The following LDLRAD3 variants were observed in gnomAD, a reference collection of about 807,000 sequenced individuals.
LDLRAD3 encodes low-density lipoprotein receptor class A domain-containing protein 3.
Under a neutral mutation model 29.4 loss-of-function variants are expected in LDLRAD3, and 20 were observed. The observed-to-expected ratio is 0.68, with a 90% CI of 0.48 to 0.99. LDLRAD3 has a LOEUF of 0.99. LDLRAD3 is among the 50% of genes least tolerant of loss of function. The pLI is 0.00. For synonymous variants in LDLRAD3, 157 were observed against 192.7 expected (o/e 0.81, Z 1.53); for missense variants, 420 against 454.3 (o/e 0.92, Z 0.69).
At chr11:36,068,677 T>G (rs577467766) in intron 2 of LDLRAD3, among the ~76,000 whole-genome samples, 4 of 152,110 alleles carry the variant, frequency 2.6e-5, no homozygotes, top group Non-Finnish European at 5.9e-5. Context: ...CCACCACACC[T>G]GGCTAATTTT....
intron 1 of LDLRAD3, among the ~76,000 whole-genome samples, chr11:36,014,465 G>A (rs1337246914): frequency 3.3e-5 from 5 of 152,238 alleles, no homozygotes; most frequent in Admixed American, 2.6e-4. Flanking sequence ...TATGGGATGT[G>A]CATGGTACCT....
At chr11:36,069,192 T>C (rs945641915) in intron 2 of LDLRAD3, among the ~76,000 whole-genome samples, 6 of 151,954 alleles carry the variant, frequency 3.9e-5, no homozygotes, top group South Asian at 4.2e-4. Context: ...ATTCCAGGAG[T>C]GAGTTTGCTT....
rs1854241635 is a variant in LDLRAD3, at chr11:36,149,313, T to G, written c.454+50852T>G. On this transcript the variant is annotated intron_variant, in intron 4 of 5. Transcript: ENST00000315571. The stretch of plus-strand genomic sequence containing the variant: ...AAAATGAAATCTGTCAGATAAAATC[T>G]ACAAAAGAATAGCGGTTGGAGAGTT... Among the ~76,000 whole-genome samples the G allele has an allele frequency of 2.6e-5, 4 of 152,164 alleles. No homozygotes were observed. The South Asian group carries it at 8.3e-4, about 32-fold the overall frequency.
intron 2 of LDLRAD3, among the ~76,000 whole-genome samples, chr11:36,055,333 T>C (rs1465873303): frequency 5.3e-5 from 8 of 151,882 alleles, no homozygotes; most frequent in Admixed American, 3.3e-4. Flanking sequence ...TATGAACTCT[T>C]GGAGAGTGTT....
At chr11:36,162,322 A>C (rs536090827) in intron 4 of LDLRAD3, among the ~76,000 whole-genome samples, 1 of 152,328 alleles carries the variant, frequency 6.6e-6, no homozygotes, top group South Asian at 2.1e-4. Flanking sequence ...TCATCAAGGG[A>C]GAAATGACAG....
chr11:36,050,999 C>G (rs1276830190), intron 2 of LDLRAD3, among the ~76,000 whole-genome samples: 1 of 152,088 alleles, frequency 6.6e-6, no homozygotes, highest in South Asian at 2.1e-4. Flanking sequence ...AATGAGGGCT[C>G]CACCCTCATG....
intron 2 of LDLRAD3, among the ~76,000 whole-genome samples, chr11:36,067,883 T>A (rs1254234930): frequency 6.6e-6 from 1 of 152,174 alleles, no homozygotes; most frequent in Non-Finnish European, 1.5e-5. Context: ...TTGCTCAGGC[T>A]GGTCTTGAAC....
chr11:35,955,015 C>T (rs1249976930), intron 1 of LDLRAD3, among the ~76,000 whole-genome samples: 2 of 152,170 alleles, frequency 1.3e-5, no homozygotes, highest in Non-Finnish European at 2.9e-5. Flanking sequence ...GAGGCCGAGG[C>T]GGGCAGATAA....
chr11:36,186,448 G>T (rs752359320), intron 4 of LDLRAD3, among the ~76,000 whole-genome samples: 5 of 152,162 alleles, frequency 3.3e-5, no homozygotes, highest in Non-Finnish European at 7.4e-5. Flanking sequence ...ATTGACAATG[G>T]TAGCTGGCTT....
chr11:36,002,234 C>T (rs1243561033), intron 1 of LDLRAD3, among the ~76,000 whole-genome samples: 1 of 152,194 alleles, frequency 6.6e-6, no homozygotes, highest in Non-Finnish European at 1.5e-5. Context: ...GTAGCTATTA[C>T]TAGCATACAC....
At chr11:36,025,357 T>C (rs1411834252) in intron 1 of LDLRAD3, among the ~76,000 whole-genome samples, 1 of 151,984 alleles carries the variant, frequency 6.6e-6, no homozygotes, top group Non-Finnish European at 1.5e-5. Context: ...CCAGTTCCAC[T>C]GAATTCTAAT....
At chr11:36,214,161 G>A (rs1343091241) in intron 4 of LDLRAD3, among the ~76,000 whole-genome samples, 2 of 152,192 alleles carry the variant, frequency 1.3e-5, no homozygotes, top group Admixed American at 1.3e-4. Flanking sequence ...AGGCGTGGCT[G>A]GCTAGAGAAG....
rs906473524 is a variant in LDLRAD3, at chr11:36,041,581, T to C, written c.193+5332T>C. ...CCGTTAGTCCTGGGAGTCTCTGAAA[T>C]GTTTTCCTTGAAGAGACTGTCCTTT... is the stretch of plus-strand genomic sequence containing the variant. On this transcript the variant is annotated intron_variant, in intron 2 of 5. Transcript: ENST00000315571. Among the ~76,000 whole-genome samples the C allele has an allele frequency of 2.6e-5, 4 of 152,314 alleles. No homozygotes were observed. In the East Asian group the frequency reaches 7.7e-4, roughly 29 times the overall value.
intron 4 of LDLRAD3, among the ~76,000 whole-genome samples, chr11:36,158,165 C>T (rs1419006678): frequency 6.6e-6 from 1 of 152,102 alleles, no homozygotes; most frequent in Non-Finnish European, 1.5e-5. Flanking sequence ...AAAAAACATT[C>T]CAGTGGGATA....
intron 4 of LDLRAD3, among the ~76,000 whole-genome samples, chr11:36,204,409 C>T (rs940459572): frequency 6.6e-6 from 1 of 152,110 alleles, no homozygotes; most frequent in Admixed American, 6.5e-5. Flanking sequence ...TCCTTCTTCT[C>T]CTCCCATGTC....
rs377498962 is a variant in LDLRAD3 at position 36,016,958 on chromosome 11, A to G, written c.47-19145A>G. On this transcript the variant is annotated intron_variant, in intron 1 of 5. Transcript: ENST00000315571. ...TGTGGAAAGACATAATTAAAAGATA[A>G]AAATATAAACTTTACTCCTCAACAT... Among the ~76,000 whole-genome samples the G allele has an allele frequency of 1.4e-4, 21 of 152,324 alleles. No homozygotes were observed. In the South Asian group the frequency reaches 4.4e-3, roughly 32 times the overall value.
intron 3 of LDLRAD3, among the ~76,000 whole-genome samples, chr11:36,089,410 A>G (rs1270048580): frequency 6.7e-6 from 1 of 149,678 alleles, no homozygotes; most frequent in Non-Finnish European, 1.5e-5. Context: ...TAACTATTAT[A>G]TGAATGTGTA....
chr11:36,008,342 A>G (rs913199575), intron 1 of LDLRAD3, among the ~76,000 whole-genome samples: 1 of 152,186 alleles, frequency 6.6e-6, no homozygotes, highest in African/African-American at 2.4e-5. Context: ...TTGTACCTCA[A>G]GGAAAGCCTC....
chr11:36,113,766 C>G lies in LDLRAD3; in HGVS notation c.454+15305C>G, dbSNP rs556026990. 1.8e-4 allele frequency among the ~76,000 whole-genome samples: 28 copies of G among 151,860 alleles called. No homozygotes were observed. The South Asian group carries it at 5.6e-3, about 31-fold the overall frequency. ...TCAGCCCATTGCAACCCCTGCCTCCCAGGTTCATGCGATTCTCCTGCCTCA... is the reference window on the plus strand; with the variant it reads ...TCAGCCCATTGCAACCCCTGCCTCCGAGGTTCATGCGATTCTCCTGCCTCA... On this transcript the variant is annotated intron_variant, in intron 4 of 5. Coordinates refer to ENST00000315571, the MANE Select transcript of LDLRAD3 (RefSeq NM_174902.4).
Sources: gnomAD v4.1 joint callset for allele counts (sites outside exome capture counted in the v4.1 genomes callset) on GRCh38, gnomAD v4.1.1 for gene constraint, MANE v1.5 for transcripts, NCBI Gene and HGNC (gene_info 2026-07-23, HGNC 2026-07-21) for gene names.